ANKS3: variants seen among roughly 807,000 people sequenced by gnomAD.
ANKS3 encodes the protein ankyrin repeat and sterile alpha motif domain containing 3, also known as ankyrin repeat and SAM domain-containing protein 3.
In ANKS3, 62 loss-of-function variants were observed where a neutral mutation model predicts 80.7. The ratio of observed to expected loss-of-function variants is 0.77; its 90% CI spans 0.63 to 0.95. The LOEUF is 0.95. ANKS3 is among the 40% of genes least tolerant of loss of function. The probability of loss-of-function intolerance (pLI) is 0.00; values close to 1 mark genes in which losing one functional copy is unlikely to be tolerated. For synonymous variants in ANKS3, 489 were observed against 355.3 expected (o/e 1.38, Z -4.23); for missense variants, 1,150 against 883.6 (o/e 1.30, Z -3.82).
In ANKS3 at chr16:4,698,094, G is replaced by C. The variant is rs747475695; in HGVS notation, c.1725-32C>G. On this transcript the variant is annotated intron_variant, in intron 14 of 17. Transcript: ENST00000304283. ...GACACAGAAACAAATATTGGTGAGA[G>C]CAGAGGCCTGGCCGCTGCAGAGCCC... is the stretch of plus-strand genomic sequence containing the variant. The C allele has an allele frequency of 2.5e-4, 394 of 1,569,598 alleles. 1 individual carries two copies. Among genetic ancestry groups the C allele is most frequent in the Non-Finnish European group, 3.3e-4 (382 of 1,156,050 alleles).
In ANKS3 at chr16:4,698,713, C is replaced by G. The variant is rs563789103; in HGVS notation, c.1551+87G>C. 2.3e-5 allele frequency: 35 copies of G among 1,544,660 alleles called. No homozygotes were observed. The East Asian group carries it at 4.9e-4, about 22-fold the overall frequency. ...TCTCCCCACTGCATCCACCTGACCCCTCCACACAGCACCCACCTTTTCTGT... is the reference window on the plus strand; with the variant it reads ...TCTCCCCACTGCATCCACCTGACCCGTCCACACAGCACCCACCTTTTCTGT... On this transcript the variant is annotated intron_variant, in intron 13 of 17. Transcript: ENST00000304283.
At chr16:4,712,266 G>A (rs577047059) in intron 7 of ANKS3, among the ~76,000 whole-genome samples, 6 of 152,172 alleles carry the variant, frequency 3.9e-5, no homozygotes, top group Non-Finnish European at 4.4e-5. Flanking sequence ...AGCTACTCGG[G>A]AGGCTGAGGC....
At position 4,696,723 on chromosome 16, in the gene ANKS3, G is replaced by C. The variant is rs972143049; in HGVS notation, c.*185C>G. 2 of 480,538 alleles carry C rather than the reference G, an allele frequency of 4.2e-6. No homozygotes were observed. The highest frequency in any genetic ancestry group is 3.4e-5 in the Admixed American group (1 of 29,512). 29.8% of individuals were successfully genotyped at this position (480,538 alleles called of 1,614,324 possible). On this transcript the variant is annotated 3_prime_UTR_variant, in exon 18 of 18. Transcript: ENST00000304283. ...CCTCGTCCCGCCTCAGTGCTGGCCC[G>C]AGCTGCCGAGCCAGGGCCGCAGCCC... is the stretch of plus-strand genomic sequence containing the variant.
At chr16:4,726,574 C>G (rs2081363730) in intron 5 of ANKS3, 85 bp downstream of exon 5, 1 of 1,491,786 alleles carries the variant, frequency 6.7e-7, no homozygotes, top group Non-Finnish European at 9.2e-7. Flanking sequence ...GCCCTAAACT[C>G]TGGTTAGCTG....
chr16:4,705,269 A>G lies in ANKS3; in HGVS notation c.710-16T>C. ...TCGTACTTTTCTGTGATCAAACACC[A>G]AGATTAAGATAGTGTGTTCAGTAAT... On this transcript the variant is annotated splice_polypyrimidine_tract_variant and intron_variant, in intron 7 of 17. Transcript: ENST00000304283. 6.2e-7 allele frequency: 1 copy of G among 1,613,080 alleles called. No individual in the cohort carries two copies. The highest frequency in any genetic ancestry group is 1.1e-5 in the South Asian group (1 of 91,006).
At chr16:4,726,557 C>T in intron 5 of ANKS3, 102 bp downstream of exon 5, 1 of 1,297,810 alleles carries the variant, frequency 7.7e-7, no homozygotes, top group East Asian at 2.3e-5. Context: ...CGTGCCGAAG[C>T]AGGGTGGCCC....
chr16:4,698,388 C>T lies in ANKS3; in HGVS notation c.1724+39G>A, dbSNP rs986085032. 19 of 1,446,744 alleles carry T rather than the reference C, an allele frequency of 1.3e-5. No homozygotes were observed. In the Admixed American group the frequency reaches 1.4e-4, roughly 10 times the overall value. The allele number at this position is 1,446,744 out of a possible 1,614,324, so 89.6% of individuals were successfully genotyped here. A position where few individuals can be genotyped will look rare whatever the true frequency, so the allele number is the denominator to read the frequency against. On this transcript the variant is annotated intron_variant, in intron 14 of 17. Transcript: ENST00000304283. ...GGGGCCCAGGGGCCAGGTGGCTGACCACTGGAGACCCAGCCCAGGGCAGCT... is the reference window on the plus strand; with the variant it reads ...GGGGCCCAGGGGCCAGGTGGCTGACTACTGGAGACCCAGCCCAGGGCAGCT...
chr16:4,707,166 C>T (rs1218675557), intron 7 of ANKS3, among the ~76,000 whole-genome samples: 1 of 152,166 alleles, frequency 6.6e-6, no homozygotes, highest in Non-Finnish European at 1.5e-5. Context: ...CCAACACACC[C>T]TCAGAGCAGC....
chr16:4,705,834 C>A (rs182485903), intron 7 of ANKS3, among the ~76,000 whole-genome samples: 136 of 152,168 alleles, frequency 8.9e-4, no homozygotes, highest in African/African-American at 3.2e-3. Flanking sequence ...AAATTCTGTT[C>A]TAATTTGAAT....
intron 6 of ANKS3, among the ~76,000 whole-genome samples, chr16:4,716,220 C>T (rs1324910346): frequency 2.6e-5 from 4 of 151,754 alleles, no homozygotes; most frequent in East Asian, 3.9e-4. Context: ...ATTAGCCGGG[C>T]GTGGTGGTGG....
At chr16:4,707,947 CT>C (rs2080285073) in intron 7 of ANKS3, among the ~76,000 whole-genome samples, 1 of 151,804 alleles carries the variant, frequency 6.6e-6, no homozygotes, top group Non-Finnish European at 1.5e-5. Flanking sequence ...CCTGTCCCTA[CT>C]AAAAATACAA....
chr16:4,698,395 G>C, intron 14 of ANKS3, 32 bp downstream of exon 14: 1 of 1,454,754 alleles, frequency 6.9e-7, no homozygotes, highest in Non-Finnish European at 9.0e-7. Context: ...GACCACTGGA[G>C]ACCCAGCCCA....
intron 7 of ANKS3, among the ~76,000 whole-genome samples, chr16:4,708,131 A>G (rs1225656815): frequency 1.3e-5 from 2 of 152,060 alleles, no homozygotes; most frequent in African/African-American, 2.4e-5. Context: ...ATATATATAT[A>G]TATAGATAGA....
At chr16:4,718,309 A>C (rs2080909835) in intron 6 of ANKS3, among the ~76,000 whole-genome samples, 1 of 151,958 alleles carries the variant, frequency 6.6e-6, no homozygotes, top group Non-Finnish European at 1.5e-5. Flanking sequence ...CATGATCAAA[A>C]CTCATTTTAA....
At chr16:4,729,744 TG>T (rs1341469436) in intron 3 of ANKS3, 1 of 355,040 alleles carries the variant, frequency 2.8e-6, no homozygotes, top group Non-Finnish European at 5.0e-6. Context: ...GGTTAAAGAA[TG>T]ACTGTTTATA....
At chr16:4,704,997 G>A (rs147113889) in intron 8 of ANKS3, 98 bp downstream of exon 8, 192 of 1,497,294 alleles carry the variant, frequency 1.3e-4, no homozygotes, top group South Asian at 1.1e-3. Context: ...GAGGTCCAGC[G>A]ACCCACATTT....
intron 7 of ANKS3, among the ~76,000 whole-genome samples, chr16:4,707,704 T>C (rs1204303299): frequency 6.6e-6 from 1 of 152,202 alleles, no homozygotes; most frequent in East Asian, 1.9e-4. Flanking sequence ...GGTAATTTTG[T>C]AGAAAATGAA....
intron 1 of ANKS3, among the ~76,000 whole-genome samples, chr16:4,732,746 A>G (rs992169434): frequency 1.3e-5 from 2 of 151,358 alleles, no homozygotes; most frequent in Non-Finnish European, 2.9e-5. Flanking sequence ...GGTGTGGTGT[A>G]AAGTAGCATT....
chr16:4,703,274 G>A (rs1405817339), intron 8 of ANKS3, among the ~76,000 whole-genome samples: 1 of 152,080 alleles, frequency 6.6e-6, no homozygotes, highest in East Asian at 1.9e-4. Context: ...CACCATATCT[G>A]GCTAATTTTC....
Sources: allele counts gnomAD v4.1 joint callset (sites outside exome capture counted in the v4.1 genomes callset), GRCh38; gene constraint gnomAD v4.1.1; transcripts MANE v1.5; gene names NCBI Gene and HGNC (gene_info 2026-07-23, HGNC 2026-07-21).